HSPB8: variants seen among roughly 807,000 people sequenced by gnomAD.
The protein encoded by HSPB8 is heat shock protein beta-8.
Under a neutral mutation model 16.5 loss-of-function variants are expected in HSPB8, and 9 were observed. The ratio of observed to expected loss-of-function variants is 0.55; its 90% CI spans 0.33 to 0.95. The LOEUF (loss-of-function observed/expected upper bound fraction) is 0.95, where lower values mean the gene tolerates loss of function less well. Among genes scored for constraint, HSPB8 ranks in the 40% least tolerant of loss-of-function variants. The probability of loss-of-function intolerance (pLI) is 0.03; values close to 1 mark genes in which losing one functional copy is unlikely to be tolerated. For synonymous variants in HSPB8, 99 were observed against 94.8 expected, an observed-to-expected ratio of 1.04 and a Z score of -0.26; for missense variants, 238 against 251.2, an observed-to-expected ratio of 0.95 and a Z score of 0.35.
rs1313062283 is a variant in HSPB8 at position 119,194,231 on chromosome 12, G to T, written c.*373G>T. 1 of 314,754 alleles carries T rather than the reference G, an allele frequency of 3.2e-6. No individual in the cohort carries two copies. The highest frequency in any genetic ancestry group is 6.1e-6 in the Non-Finnish European group (1 of 164,040). The allele number at this position is 314,754 out of a possible 1,614,324, so 19.5% of individuals were successfully genotyped here. Reference sequence around the variant, plus strand: ...TCTGGGGACCTCCCCCATCACCCAGGTTCCTACTCTGGGCTCCCGATTCCC... The same window carrying T: ...TCTGGGGACCTCCCCCATCACCCAGTTTCCTACTCTGGGCTCCCGATTCCC... On this transcript the variant is annotated 3_prime_UTR_variant, in exon 3 of 3. Transcript: ENST00000281938.
rs117867844 is a variant in HSPB8 at position 119,193,281 on chromosome 12, G to A, written c.432-418G>A. On this transcript the variant is annotated intron_variant, in intron 2 of 2. Coordinates refer to ENST00000281938, the MANE Select transcript of HSPB8 (RefSeq NM_014365.3). ...CCTGTTATGATAACACCTTACTTGC[G>A]CTCTATAAAGGGATGGTAGTGGTGC... 8.8e-3 allele frequency among the ~76,000 whole-genome samples: 1,334 copies of A among 152,252 alleles called. 10 individuals carry two copies. The highest frequency in any genetic ancestry group is 0.014 in the Non-Finnish European group (921 of 68,014).
intron 1 of HSPB8, among the ~76,000 whole-genome samples, chr12:119,183,998 G>A (rs937053682): frequency 2.6e-5 from 4 of 152,190 alleles, no homozygotes; most frequent in Admixed American, 1.3e-4. Flanking sequence ...ACGGTAACCC[G>A]GTAAGATAGG....
At chr12:119,189,183 CA>C (rs543628137) in intron 2 of HSPB8, among the ~76,000 whole-genome samples, 159 of 152,126 alleles carry the variant, frequency 1.0e-3, no homozygotes, top group African/African-American at 3.5e-3. Context: ...GGAAGGAAGG[CA>C]GGGGGTGGGG....
intron 2 of HSPB8, among the ~76,000 whole-genome samples, chr12:119,187,379 G>A (rs372506165): frequency 2.0e-5 from 3 of 152,026 alleles, no homozygotes; most frequent in Admixed American, 6.6e-5. Context: ...TCTTGAGACC[G>A]AGTCTCACTC....
At chr12:119,190,410 T>C (rs930838352) in intron 2 of HSPB8, among the ~76,000 whole-genome samples, 3 of 152,222 alleles carry the variant, frequency 2.0e-5, no homozygotes, top group Non-Finnish European at 4.4e-5. Flanking sequence ...TGCAGCTGTT[T>C]GCCTTAACCA....
intron 2 of HSPB8, among the ~76,000 whole-genome samples, 199 bp from the exon 3 acceptor site, chr12:119,193,500 A>G (rs1954724643): frequency 6.6e-6 from 1 of 152,216 alleles, no homozygotes; most frequent in East Asian, 1.9e-4. Flanking sequence ...CATTTTGCAG[A>G]TGAGAAAACA....
chr12:119,191,884 A>G (rs1954714804), intron 2 of HSPB8, among the ~76,000 whole-genome samples: 1 of 152,156 alleles, frequency 6.6e-6, no homozygotes, highest in African/African-American at 2.4e-5. Flanking sequence ...CAGCTGAGCA[A>G]CCTTGGGCAA....
chr12:119,187,766 C>T (rs566927198), intron 2 of HSPB8, among the ~76,000 whole-genome samples: 1 of 152,316 alleles, frequency 6.6e-6, no homozygotes, highest in Non-Finnish European at 1.5e-5. Context: ...ACCCCTGTCA[C>T]CATCCAGAAA....
intron 1 of HSPB8, chr12:119,182,799 T>C (rs1397415666): frequency 2.0e-5 from 3 of 152,066 alleles, no homozygotes; most frequent in Non-Finnish European, 4.4e-5. Flanking sequence ...CACAAGGACC[T>C]CCTAGGAAGT....
rs1416869828 is a variant in HSPB8, at chr12:119,179,447, A to G, written c.135A>G (p.Thr45=). Residue 45 remains threonine, a synonymous_variant, in exon 1 of 3, where the codon ACA becomes ACG. Coordinates refer to ENST00000281938, the MANE Select transcript of HSPB8 (RefSeq NM_014365.3). ...TGGACCCCTTCCCAGACGACTTGAC[A>G]GCCTCTTGGCCCGACTGGGCTCTGC... ...FGMDPFPDDL[T]ASWPDWALPR... The G allele has an allele frequency of 6.2e-7, 1 of 1,614,054 alleles. No individual in the cohort carries two copies. The highest frequency in any genetic ancestry group is 8.5e-7 in the Non-Finnish European group (1 of 1,179,994).
Position 119,193,819 on chromosome 12 carries a change from C to G in HSPB8, c.552C>G (p.Asn184Lys). ...YSTFGESSFN[N>K]ELPQDSQEVT... ...CATTTGGAGAGAGCAGTTTCAACAACGAGCTTCCCCAGGACAGCCAGGAAG... is the reference window on the plus strand; with the variant it reads ...CATTTGGAGAGAGCAGTTTCAACAAGGAGCTTCCCCAGGACAGCCAGGAAG... The change falls in exon 3 of 3, where the codon AAC (asparagine) becomes AAG (lysine). Residue 184 changes from asparagine to lysine, a missense_variant. By Grantham distance (94) the Asn-to-Lys change is moderately conservative (BLOSUM62 0). Coordinates refer to ENST00000281938, the MANE Select transcript of HSPB8 (RefSeq NM_014365.3). 6.2e-7 allele frequency: 1 copy of G among 1,614,150 alleles called. No individual in the cohort carries two copies. The highest frequency in any genetic ancestry group is 8.5e-7 in the Non-Finnish European group (1 of 1,180,036).
intron 1 of HSPB8, among the ~76,000 whole-genome samples, chr12:119,180,069 G>A (rs916101170): frequency 2.0e-5 from 3 of 152,192 alleles, no homozygotes; most frequent in Non-Finnish European, 2.9e-5. Flanking sequence ...AGAAGTGCAC[G>A]TTAAGGCTGA....
rs1954620224 is a variant in HSPB8, at chr12:119,179,371, C to T, written c.59C>T (p.Pro20Leu). The stretch of plus-strand genomic sequence containing the variant: ...TACCCAAGCCGCCTGCGCCGAGACC[C>T]CTTCCGGGACTCTCCCCTCTCCTCT... ...CHYPSRLRRDPFRDSPLSSRL... is the reference protein window; with the variant it reads ...CHYPSRLRRDLFRDSPLSSRL... The change falls in exon 1 of 3, where the codon CCC becomes CTC. Residue 20 changes from proline (P) to leucine (L), a missense_variant. Transcript: ENST00000281938. The T allele has an allele frequency of 1.2e-6, 2 of 1,614,024 alleles. No individual in the cohort carries two copies. Among genetic ancestry groups the T allele is most frequent in the Admixed American group, 1.7e-5 (1 of 60,004 alleles).
chr12:119,193,899 A>G lies in HSPB8; in HGVS notation c.*41A>G, dbSNP rs1456057543. On this transcript the variant is annotated 3_prime_UTR_variant, in exon 3 of 3. Transcript: ENST00000281938. ...CCATCCTTGTTTTGTCCCCAACCCTAGGGCTTCTCTGATTCCAGGATACAT... is the reference window on the plus strand; with the variant it reads ...CCATCCTTGTTTTGTCCCCAACCCTGGGGCTTCTCTGATTCCAGGATACAT... 1 of 1,604,054 alleles carries G rather than the reference A, an allele frequency of 6.2e-7. No individual in the cohort carries two copies. Among genetic ancestry groups the G allele is most frequent in the Non-Finnish European group, 8.5e-7 (1 of 1,171,336 alleles).
At position 119,179,169 on chromosome 12, in the gene HSPB8, T is replaced by C; in HGVS notation, c.-144T>C. ...GGGACACAACCGTCCCTGGCAGTGG[T>C]TGGTTCTGCTTCTCCCTGCAGAAAA... On this transcript the variant is annotated 5_prime_UTR_variant, in exon 1 of 3. Transcript: ENST00000281938. The C allele has an allele frequency of 1.2e-6, 1 of 823,382 alleles. No individual in the cohort carries two copies. The highest frequency in any genetic ancestry group is 1.7e-5 in the African/African-American group (1 of 59,460). The allele number at this position is 823,382 out of a possible 1,614,324, so 51.0% of individuals were successfully genotyped here. A position where few individuals can be genotyped will look rare whatever the true frequency, so the allele number is the denominator to read the frequency against.
intron 1 of HSPB8, among the ~76,000 whole-genome samples, chr12:119,184,185 T>C (rs1954657925): frequency 6.6e-6 from 1 of 152,216 alleles, no homozygotes; most frequent in African/African-American, 2.4e-5. Context: ...ATACAGCACT[T>C]AACCTCTCTG....
At chr12:119,186,785 C>T (rs1954678796) in intron 1 of HSPB8, 12 of 533,846 alleles carry the variant, frequency 2.2e-5, no homozygotes, top group South Asian at 6.2e-5. Flanking sequence ...CTACAAACCA[C>T]GGTCTACGCC....
chr12:119,181,784 C>T (rs1024770765), intron 1 of HSPB8, among the ~76,000 whole-genome samples: 21 of 152,250 alleles, frequency 1.4e-4, no homozygotes, highest in African/African-American at 4.6e-4. Context: ...CCTCATTTCT[C>T]CTATTTGCAG....
At chr12:119,183,057 T>A (rs1158517005) in intron 1 of HSPB8, 2 of 152,212 alleles carry the variant, frequency 1.3e-5, no homozygotes, top group Non-Finnish European at 2.9e-5. Context: ...AATTTACCAA[T>A]GTACTTCAAG....
Sources: allele counts gnomAD v4.1 joint callset (sites outside exome capture counted in the v4.1 genomes callset), GRCh38; gene constraint gnomAD v4.1.1; transcripts MANE v1.5; gene names NCBI Gene and HGNC (gene_info 2026-07-23, HGNC 2026-07-21).